HERC4: variants seen among roughly 807,000 people sequenced by gnomAD.
HERC4 encodes the protein HECT and RLD domain containing E3 ubiquitin protein ligase 4, also known as probable E3 ubiquitin-protein ligase HERC4.
HERC4 carries 28 observed loss-of-function variants against 124.3 expected under a neutral mutation model. The observed-to-expected ratio is 0.23, with a 90% confidence interval of 0.17 to 0.31. The LOEUF is 0.31. HERC4 is among the 10% of genes least tolerant of loss of function. HERC4 has a pLI of 1.00. For missense variants in HERC4, 713 were observed against 1,229.3 expected, an observed-to-expected ratio of 0.58 and a Z score of 6.28; for synonymous variants, 407 against 421.5, an observed-to-expected ratio of 0.97 and a Z score of 0.42.
chr10:68,024,494 C>A (rs1284540759), intron 8 of HERC4, among the ~76,000 whole-genome samples: 1 of 151,914 alleles, frequency 6.6e-6, no homozygotes, highest in Non-Finnish European at 1.5e-5. Flanking sequence ...TGGCAACATG[C>A]AAATGTCCAT....
intron 9 of HERC4, among the ~76,000 whole-genome samples, chr10:67,999,462 T>C (rs942847620): frequency 1.3e-5 from 2 of 152,190 alleles, no homozygotes; most frequent in South Asian, 4.1e-4. Context: ...CAGAGCCCTA[T>C]TAAAAGGATT....
At chr10:68,011,873 G>A (rs1468660137) in intron 9 of HERC4, among the ~76,000 whole-genome samples, 1 of 152,192 alleles carries the variant, frequency 6.6e-6, no homozygotes, top group Non-Finnish European at 1.5e-5. Context: ...GAAAGTTGTA[G>A]AGGACATTTT....
At chr10:68,045,320 G>A (rs966654899) in intron 3 of HERC4, among the ~76,000 whole-genome samples, 3 of 152,064 alleles carry the variant, frequency 2.0e-5, no homozygotes, top group African/African-American at 4.8e-5. Context: ...GAGCCAGACC[G>A]TGTCTCAAGA....
intron 15 of HERC4, among the ~76,000 whole-genome samples, chr10:67,974,120 ATACACACAGG>A: frequency 1.2e-5 from 1 of 84,366 alleles, no homozygotes. Context: ...ACACACACAC[ATACACACAGG>A]GTCAGGAAAA....
Position 67,922,859 on chromosome 10 carries a change from A to T in HERC4, c.*72T>A. On this transcript the variant is annotated 3_prime_UTR_variant, in exon 25 of 25. Transcript: ENST00000373700. ...TAATAGTACCTCTGTCACCTTGCTG[A>T]ATTCATCACCACAAGAAAAACACAA... The T allele has an allele frequency of 9.5e-7, 1 of 1,055,288 alleles. No individual in the cohort carries two copies. The highest frequency in any genetic ancestry group is 1.4e-6 in the Non-Finnish European group (1 of 713,182). The allele number at this position is 1,055,288 out of a possible 1,614,324, so 65.4% of individuals were successfully genotyped here.
Position 67,990,362 on chromosome 10 carries a change from C to A in HERC4, c.1482G>T (p.Leu494=). Reference sequence around the variant, plus strand: ...CTTCAACATCAGGTAAGGAGCTAGTCAGTTTAGGAATAAGATTCTTTTCCA... The same window carrying A: ...CTTCAACATCAGGTAAGGAGCTAGTAAGTTTAGGAATAAGATTCTTTTCCA... ...ASLEKNLIPK[L]TSSLPDVEAL... Residue 494 remains leucine, a synonymous_variant, in exon 14 of 25, where the codon CTG becomes CTT. Coordinates refer to ENST00000373700, the MANE Select transcript of HERC4 (RefSeq NM_015601.4). 6.2e-7 allele frequency: 1 copy of A among 1,601,212 alleles called. No individual in the cohort carries two copies. The highest frequency in any genetic ancestry group is 1.1e-5 in the South Asian group (1 of 88,490).
chr10:68,023,004 TA>T (rs1027556744), intron 8 of HERC4, among the ~76,000 whole-genome samples: 1 of 151,056 alleles, frequency 6.6e-6, no homozygotes, highest in Admixed American at 6.6e-5. Flanking sequence ...AAATAGGTAT[TA>T]TAAAAAAAAA....
chr10:67,957,014 T>A (rs2034184939), intron 16 of HERC4, 38 bp from the exon 17 acceptor site: 2 of 1,215,338 alleles, frequency 1.6e-6, no homozygotes, highest in South Asian at 2.8e-5. Flanking sequence ...ACAAGTTGAT[T>A]TGTGATATAC....
chr10:68,044,298 T>C (rs867910408), intron 4 of HERC4, 106 bp downstream of exon 4: 23 of 1,040,152 alleles, frequency 2.2e-5, no homozygotes, highest in Middle Eastern at 4.6e-4. Context: ...AGGGGAGAAA[T>C]AATGAGATGT....
intron 9 of HERC4, among the ~76,000 whole-genome samples, chr10:68,003,368 T>G (rs111700244): frequency 6.9e-6 from 1 of 145,408 alleles, no homozygotes; most frequent in African/African-American, 2.6e-5. Context: ...AGAGATGGGG[T>G]TTCACTGTGT....
intron 3 of HERC4, among the ~76,000 whole-genome samples, chr10:68,066,544 C>G (rs2041312397): frequency 6.6e-6 from 1 of 152,174 alleles, no homozygotes; most frequent in Non-Finnish European, 1.5e-5. Context: ...TTTTTGTCTT[C>G]TGTGTAGGTT....
intron 15 of HERC4, among the ~76,000 whole-genome samples, chr10:67,983,023 G>T (rs1349502503): frequency 6.6e-6 from 1 of 150,550 alleles, no homozygotes; most frequent in Non-Finnish European, 1.5e-5. Flanking sequence ...AGTTAATTGG[G>T]AGGCTGAGGC....
At chr10:67,941,223 A>G in intron 19 of HERC4, 118 bp from the exon 20 acceptor site, 2 of 648,588 alleles carry the variant, frequency 3.1e-6, no homozygotes, top group East Asian at 6.4e-5. Context: ...AATAAATAAC[A>G]AAAGTTCATC....
rs1479978373 is a variant in HERC4 at position 67,971,770 on chromosome 10, T to C, written c.1807-4968A>G. 2.0e-5 allele frequency among the ~76,000 whole-genome samples: 3 copies of C among 149,340 alleles called. No homozygotes were observed. The East Asian group carries it at 6.1e-4, about 30-fold the overall frequency. On this transcript the variant is annotated intron_variant, in intron 15 of 24. Transcript: ENST00000373700. ...CCACCATAACCACTTATATTCAACATTGTACTGAAATTCTTAGTTAATAAA... is the reference window on the plus strand; with the variant it reads ...CCACCATAACCACTTATATTCAACACTGTACTGAAATTCTTAGTTAATAAA...
intron 9 of HERC4, chr10:68,010,631 A>G: frequency 7.0e-7 from 1 of 1,425,546 alleles, no homozygotes; most frequent in Non-Finnish European, 9.7e-7. Context: ...TCTCCTGAAT[A>G]TTTTCATTGT....
intron 8 of HERC4, 22 bp downstream of exon 8, chr10:68,025,524 G>A: frequency 6.3e-7 from 1 of 1,599,840 alleles, no homozygotes; most frequent in Non-Finnish European, 8.5e-7. Flanking sequence ...AGACCAAAAT[G>A]CTCTTTTACA....
intron 16 of HERC4, among the ~76,000 whole-genome samples, chr10:67,963,371 G>A (rs1387030844): frequency 6.6e-6 from 1 of 151,968 alleles, no homozygotes; most frequent in East Asian, 1.9e-4. Context: ...TGCCCGCCAC[G>A]ATGCTTGGCT....
In HERC4 at chr10:68,061,710, C is replaced by T. The variant is rs185961778; in HGVS notation, c.226+11173G>A. ...CCTGACCAATATGGTGAAACCACGT[C>T]TCTACTAAAAATACAAAAAAATTAG... On this transcript the variant is annotated intron_variant, in intron 3 of 24. Coordinates refer to ENST00000373700, the MANE Select transcript of HERC4 (RefSeq NM_015601.4). Among the ~76,000 whole-genome samples the T allele has an allele frequency of 4.2e-3, 630 of 150,978 alleles. 5 individuals are homozygous for T. Among genetic ancestry groups the T allele is most frequent in the African/African-American group, 0.015 (601 of 41,158 alleles).
At chr10:67,969,879 C>T (rs893925313) in intron 15 of HERC4, among the ~76,000 whole-genome samples, 2 of 152,164 alleles carry the variant, frequency 1.3e-5, no homozygotes, top group Non-Finnish European at 2.9e-5. Context: ...CAACCAAGAA[C>T]CATTTCTGTT....
Sources: allele counts gnomAD v4.1 joint callset (sites outside exome capture counted in the v4.1 genomes callset), GRCh38; gene constraint gnomAD v4.1.1; transcripts MANE v1.5; gene names NCBI Gene and HGNC (gene_info 2026-07-23, HGNC 2026-07-21).